The following SORCS2 variants were observed in gnomAD, a reference collection of about 807,000 sequenced individuals.
SORCS2 encodes the protein VPS10 domain-containing receptor SorCS2.
Under a neutral mutation model 141.6 loss-of-function variants are expected in SORCS2, and 100 were observed. That is an observed-to-expected ratio of 0.71 (90% CI 0.60 to 0.83). SORCS2 has a LOEUF of 0.83. SORCS2 is among the 40% of genes least tolerant of loss of function. The pLI is 0.00. For synonymous variants in SORCS2, 789 were observed against 676.9 expected (o/e 1.17, Z -2.57); for missense variants, 1,646 against 1,560.2 (o/e 1.05, Z -0.93).
intron 1 of SORCS2, among the ~76,000 whole-genome samples, chr4:7,266,688 T>G (rs1275934264): frequency 6.6e-6 from 1 of 152,162 alleles, no homozygotes; most frequent in Non-Finnish European, 1.5e-5. Flanking sequence ...CAAGGCCAGC[T>G]CAGATACCCC....
intron 2 of SORCS2, among the ~76,000 whole-genome samples, chr4:7,445,565 C>A (rs796565295): frequency 5.5e-4 from 84 of 152,266 alleles, no homozygotes; most frequent in African/African-American, 1.9e-3. Context: ...GGCTGGACTC[C>A]TTGGCTTCTG....
At chr4:7,489,758 A>C (rs1427210215) in intron 2 of SORCS2, among the ~76,000 whole-genome samples, 1 of 152,090 alleles carries the variant, frequency 6.6e-6, no homozygotes, top group Non-Finnish European at 1.5e-5. Context: ...GTTTTGGAAA[A>C]CACAAATGCC....
intron 20 of SORCS2, among the ~76,000 whole-genome samples, chr4:7,725,539 AGTGGATTACCTGAGTTGGGG>A (rs1385606443): frequency 6.6e-6 from 1 of 152,206 alleles, no homozygotes; most frequent in East Asian, 1.9e-4. Context: ...ATGGGAACGC[AGTGGATTACCTGAGTTGGGG>A]GTGGTAGAAG....
At chr4:7,624,948 C>A (rs1021963578) in intron 3 of SORCS2, among the ~76,000 whole-genome samples, 2 of 152,230 alleles carry the variant, frequency 1.3e-5, no homozygotes, top group Admixed American at 1.3e-4. Context: ...ACAAATGCTA[C>A]ACACAAGATC....
At chr4:7,380,769 G>A (rs1411101422) in intron 1 of SORCS2, among the ~76,000 whole-genome samples, 3 of 152,234 alleles carry the variant, frequency 2.0e-5, no homozygotes, top group Non-Finnish European at 4.4e-5. Flanking sequence ...TGGCCGTGAT[G>A]TGAAATTTGC....
chr4:7,675,698 G>A (rs1323836842), intron 8 of SORCS2, among the ~76,000 whole-genome samples: 1 of 152,186 alleles, frequency 6.6e-6, no homozygotes, highest in East Asian at 1.9e-4. Flanking sequence ...CAACCATCTG[G>A]GGGTGCATAG....
chr4:7,715,406 C>T, intron 17 of SORCS2, 95 bp downstream of exon 17: 1 of 1,539,352 alleles, frequency 6.5e-7, no homozygotes, highest in Non-Finnish European at 8.8e-7. Context: ...GCCTGCAGCT[C>T]CCAACTCCCA....
intron 2 of SORCS2, among the ~76,000 whole-genome samples, chr4:7,514,027 T>C (rs1732826030): frequency 6.6e-6 from 1 of 152,156 alleles, no homozygotes; most frequent in African/African-American, 2.4e-5. Flanking sequence ...TTGGGCATCG[T>C]GCGTGCATTT....
chr4:7,321,772 G>A (rs1332773339), intron 1 of SORCS2, among the ~76,000 whole-genome samples: 1 of 152,178 alleles, frequency 6.6e-6, no homozygotes, highest in Non-Finnish European at 1.5e-5. Flanking sequence ...GGACAGCTGG[G>A]GCATATCTCT....
chr4:7,479,520 G>T (rs924314792), intron 2 of SORCS2, among the ~76,000 whole-genome samples: 1 of 152,226 alleles, frequency 6.6e-6, no homozygotes, highest in Admixed American at 6.5e-5. Context: ...CAGCCCTGAG[G>T]CATTAGCCCC....
intron 2 of SORCS2, among the ~76,000 whole-genome samples, chr4:7,491,651 G>A (rs950769217): frequency 6.6e-6 from 1 of 152,258 alleles, no homozygotes; most frequent in African/African-American, 2.4e-5. Flanking sequence ...TGTAACAGGA[G>A]ATGATAGCGG....
intron 1 of SORCS2, among the ~76,000 whole-genome samples, chr4:7,296,877 G>A (rs1277071676): frequency 6.6e-6 from 1 of 152,168 alleles, no homozygotes; most frequent in African/African-American, 2.4e-5. Context: ...AGAGGCATGG[G>A]TGCCTCGACT....
chr4:7,590,982 G>T (rs575867616), intron 3 of SORCS2, among the ~76,000 whole-genome samples: 2 of 152,316 alleles, frequency 1.3e-5, no homozygotes, highest in African/African-American at 4.8e-5. Flanking sequence ...GCAGCTTCCA[G>T]TCAGGAAAGG....
At chr4:7,613,402 A>G (rs6848741) in intron 3 of SORCS2, among the ~76,000 whole-genome samples, 57,504 of 152,088 alleles carry the variant, frequency 0.38, 11,239 homozygotes, top group Middle Eastern at 0.42. Flanking sequence ...CACTGCAGGG[A>G]CCCAGCTGAG....
intron 1 of SORCS2, among the ~76,000 whole-genome samples, chr4:7,337,060 T>C (rs980367675): frequency 6.6e-6 from 1 of 152,196 alleles, no homozygotes; most frequent in Non-Finnish European, 1.5e-5. Flanking sequence ...GCTGGCTTTT[T>C]GTGCCGAGGT....
chr4:7,512,767 C>CCTCAGTGACA (rs1204124458), intron 2 of SORCS2, among the ~76,000 whole-genome samples: 1 of 152,082 alleles, frequency 6.6e-6, no homozygotes, highest in East Asian at 1.9e-4. Flanking sequence ...GGCTCCACTC[C>CCTCAGTGACA]CTCAGGTGTC....
Position 7,533,798 on chromosome 4 carries a change from C to G in SORCS2, c.648+2169C>G, listed in dbSNP as rs535683274. Among the ~76,000 whole-genome samples, 5 of 146,854 alleles carry G rather than the reference C, an allele frequency of 3.4e-5. No individual in the cohort carries two copies. In the South Asian group the frequency reaches 1.1e-3, roughly 31 times the overall value. On this transcript the variant is annotated intron_variant, in intron 3 of 26. Coordinates refer to ENST00000507866, the MANE Select transcript of SORCS2 (RefSeq NM_020777.3). The stretch of plus-strand genomic sequence containing the variant: ...AACCTGGGGACATGGCCGTGACCTC[C>G]GCTGAGCCTCAGTTTCCTGGCCTGT...
chr4:7,311,517 C>A (rs920572443), intron 1 of SORCS2, among the ~76,000 whole-genome samples: 19 of 152,192 alleles, frequency 1.2e-4, no homozygotes, highest in Admixed American at 7.9e-4. Context: ...TCTCCACCAG[C>A]AATGAATGGG....
intron 3 of SORCS2, among the ~76,000 whole-genome samples, chr4:7,612,539 G>A (rs867518228): frequency 1.3e-5 from 2 of 152,068 alleles, no homozygotes; most frequent in African/African-American, 2.4e-5. Flanking sequence ...CCAGTCCCCA[G>A]CCCACCAGGG....
Sources: allele counts gnomAD v4.1 joint callset (sites outside exome capture counted in the v4.1 genomes callset), GRCh38; gene constraint gnomAD v4.1.1; transcripts MANE v1.5; gene names NCBI Gene and HGNC (gene_info 2026-07-23, HGNC 2026-07-21).